ATXN2L: variants seen among roughly 807,000 people sequenced by gnomAD.
ATXN2L encodes ataxin 2 like, also known as ataxin-2-like protein.
A neutral mutation model predicts 120.7 loss-of-function variants in ATXN2L; 24 were observed. The ratio of observed to expected loss-of-function variants is 0.20; its 90% CI spans 0.14 to 0.28. ATXN2L has a LOEUF of 0.28. Ranked by LOEUF, ATXN2L falls within the 10% of genes least tolerant of loss-of-function variation. ATXN2L has a pLI of 1.00. For missense variants in ATXN2L, 1,312 were observed against 1,432.3 expected, an observed-to-expected ratio of 0.92 and a Z score of 1.36; for synonymous variants, 653 against 568.1, an observed-to-expected ratio of 1.15 and a Z score of -2.13.
chr16:28,830,881 T>A, intron 9 of ATXN2L, 81 bp from the exon 10 acceptor site: 1 of 1,502,966 alleles, frequency 6.7e-7, no homozygotes, highest in Non-Finnish European at 8.9e-7. Flanking sequence ...TGTGTTGGAA[T>A]GACGCTGCAT....
intron 17 of ATXN2L, 34 bp downstream of exon 17, chr16:28,834,449 T>C: frequency 6.2e-7 from 1 of 1,613,762 alleles, no homozygotes; most frequent in Non-Finnish European, 8.5e-7. Flanking sequence ...GCGGCGAGGC[T>C]GCCAAGGGCC....
chr16:28,828,358 G>A (rs575752532), intron 6 of ATXN2L, among the ~76,000 whole-genome samples: 4 of 152,234 alleles, frequency 2.6e-5, no homozygotes, highest in South Asian at 2.1e-4. Context: ...AGGCCAAGGC[G>A]GGCAGATCAC....
chr16:28,835,785 G>A lies in ATXN2L; in HGVS notation c.2895+27G>A, dbSNP rs200663668. ...TAAGAGCCCAGCTGTCCCACTTCTG[G>A]GTCTGTTTGCCAGGGCCCGTCTGCC... On this transcript the variant is annotated intron_variant, in intron 21 of 21. Transcript: ENST00000336783. 3.8e-3 allele frequency: 6,122 copies of A among 1,613,404 alleles called. 17 individuals carry two copies. The highest frequency in any genetic ancestry group is 4.7e-3 in the Non-Finnish European group (5,575 of 1,179,426).
At chr16:28,833,028 A>C in intron 13 of ATXN2L, 31 bp from the exon 14 acceptor site, 7 of 1,608,876 alleles carry the variant, frequency 4.4e-6, no homozygotes, top group Non-Finnish European at 6.0e-6. Context: ...GGTCTGGGTC[A>C]GACTGGACTG....
At position 28,836,727 on chromosome 16, in the gene ATXN2L, G is replaced by A; in HGVS notation, c.*462G>A. 4 of 1,613,896 alleles carry A rather than the reference G, an allele frequency of 2.5e-6. No individual in the cohort carries two copies. Among genetic ancestry groups the A allele is most frequent in the South Asian group, 1.1e-5 (1 of 91,064 alleles). ...CTCTCTTCTCTTTCCCCTCCAACCA[G>A]TTCAATCTCATCCCTCCCAGCAGCT... On this transcript the variant is annotated 3_prime_UTR_variant, in exon 22 of 22. Transcript: ENST00000336783.
chr16:28,830,208 T>C (rs951558194), intron 8 of ATXN2L, 150 bp downstream of exon 8: 5 of 751,456 alleles, frequency 6.7e-6, no homozygotes, highest in Non-Finnish European at 9.7e-6. Context: ...CGAGATTATG[T>C]AATTTGCCTA....
rs1596826836 is a variant in ATXN2L at position 28,823,173 on chromosome 16, T to C, written c.-87T>C. The C allele has an allele frequency of 5.6e-6, 4 of 711,762 alleles. No individual in the cohort carries two copies. Among genetic ancestry groups the C allele is most frequent in the South Asian group, 5.9e-5 (1 of 16,828 alleles). 44.1% of individuals were successfully genotyped at this position (711,762 alleles called of 1,614,324 possible). ...GCGGGCCCCGGCTGCCCGATCCCCC[T>C]CGCTTCCCGCGCTCTCCAGCGGGGC... On this transcript the variant is annotated 5_prime_UTR_variant, in exon 1 of 22. Coordinates refer to ENST00000336783, the MANE Select transcript of ATXN2L (RefSeq NM_007245.4).
rs748511248 is a variant in ATXN2L at position 28,832,546 on chromosome 16, C to G, written c.1567C>G (p.Leu523Val). The G allele has an allele frequency of 1.2e-6, 2 of 1,614,110 alleles. No homozygotes were observed. The highest frequency in any genetic ancestry group is 1.3e-5 in the African/African-American group (1 of 74,934). The part of the protein sequence containing the change: ...EPGRTLEPQE[L>V]ARIAGKVPGL... ...TGGGAGAACTCTGGAGCCCCAGGAG[C>G]TGGCTCGGATAGCTGGGAAAGGTGA... is the stretch of plus-strand genomic sequence containing the variant. The change falls in exon 12 of 22, where the codon CTG (leucine) becomes GTG (valine). Residue 523 changes from leucine (L) to valine (V), a missense_variant. Physicochemically the swap from Leu to Val is conservative, Grantham distance 32. Coordinates refer to ENST00000336783, the MANE Select transcript of ATXN2L (RefSeq NM_007245.4).
At position 28,833,273 on chromosome 16, in the gene ATXN2L, C is replaced by T; in HGVS notation, c.1874C>T (p.Pro625Leu). The T allele has an allele frequency of 6.2e-7, 1 of 1,614,232 alleles. No homozygotes were observed. The highest frequency in any genetic ancestry group is 8.5e-7 in the Non-Finnish European group (1 of 1,180,032). ...GGCACTGAGGGGCCAGAGCAGCCCC[C>T]ACCACCTTGTCCAAGCCAAACTGGC... ...SGGTEGPEQPPPPCPSQTGSP... is the reference protein window; with the variant it reads ...SGGTEGPEQPLPPCPSQTGSP... Residue 625 changes from proline to leucine, a missense_variant, in exon 14 of 22, where the codon CCA (proline) becomes CTA (leucine). Transcript: ENST00000336783.
At chr16:28,824,645 T>G in intron 1 of ATXN2L, 3 of 1,151,726 alleles carry the variant, frequency 2.6e-6, no homozygotes, top group Non-Finnish European at 3.4e-6. Context: ...AAAATGATTG[T>G]CTTTTCTGTT....
In ATXN2L at chr16:28,832,241, C is replaced by T. The variant is rs751330472; in HGVS notation, c.1358C>T (p.Ala453Val). The T allele has an allele frequency of 2.5e-6, 4 of 1,614,166 alleles. No homozygotes were observed. The highest frequency in any genetic ancestry group is 8.5e-7 in the Non-Finnish European group (1 of 1,180,040). The change falls in exon 11 of 22, where the codon GCT becomes GTT. Residue 453 changes from alanine (A) to valine (V), a missense_variant. By Grantham distance (64) the Ala-to-Val change is moderately conservative (BLOSUM62 0). Coordinates refer to ENST00000336783, the MANE Select transcript of ATXN2L (RefSeq NM_007245.4). The part of the protein sequence containing the change: ...RMYPPRSPKS[A>V]APAPISASCP... ...TATCCCCCGCGTTCTCCCAAGTCTG[C>T]TGCCCCTGCCCCAATCTCAGCTTCC...
intron 18 of ATXN2L, 82 bp downstream of exon 18, chr16:28,834,775 A>AG (rs1959423927): frequency 8.9e-6 from 13 of 1,463,408 alleles, no homozygotes; most frequent in Admixed American, 2.2e-5. Context: ...GGAGCTGGCT[A>AG]GGGGTGGCAG....
intron 16 of ATXN2L, 35 bp from the exon 17 acceptor site, chr16:28,834,308 G>A (rs376220738): frequency 2.0e-5 from 32 of 1,611,782 alleles, no homozygotes; most frequent in East Asian, 1.8e-4. Flanking sequence ...ATTCGTGAGC[G>A]AGTCATTCAG....
At chr16:28,833,900 T>C (rs986831465) in intron 15 of ATXN2L, 165 bp from the exon 16 acceptor site, 2 of 831,836 alleles carry the variant, frequency 2.4e-6, no homozygotes, top group African/African-American at 3.5e-5. Context: ...CCTGTAACTT[T>C]AGAATACTCA....
intron 20 of ATXN2L, 61 bp downstream of exon 20, chr16:28,835,460 A>T (rs1960136376): frequency 6.2e-7 from 1 of 1,611,580 alleles, no homozygotes; most frequent in South Asian, 1.1e-5. Flanking sequence ...AGAAGAAGGG[A>T]TAGAGCTAGG....
At position 28,836,237 on chromosome 16, in the gene ATXN2L, A is replaced by G; in HGVS notation, c.3200A>G (p.Gln1067Arg). ...AGAGCTGAGGGGCTGCAGGTGGGGC[A>G]GGATGCACGGGTTCTGGGTGGGGAG... ...HGRAEGLQVG[Q>R]DARVLGGE Residue 1067 changes from glutamine (Q) to arginine (R), a missense_variant, in exon 22 of 22, where the codon CAG becomes CGG. Gln to Arg is a conservative substitution (Grantham distance 43). Transcript: ENST00000336783. 1 of 1,613,538 alleles carries G rather than the reference A, an allele frequency of 6.2e-7. No individual in the cohort carries two copies. The highest frequency in any genetic ancestry group is 1.1e-5 in the South Asian group (1 of 91,050).
chr16:28,830,149 T>G, intron 8 of ATXN2L, 91 bp downstream of exon 8: 1 of 1,282,852 alleles, frequency 7.8e-7, no homozygotes, highest in Non-Finnish European at 1.1e-6. Flanking sequence ...GGTTTAAGCC[T>G]TGTGACCATG....
Position 28,832,848 on chromosome 16 carries a change from C to A in ATXN2L, c.1620C>A (p.Phe540Leu). ...VPGLQNEQKR[F>L]QLEELRKFGA... ...GTCTTCAGAATGAACAGAAACGATT[C>A]CAACTGGAAGAACTGAGAAAGTTTG... Residue 540 changes from phenylalanine (F) to leucine (L), a missense_variant, in exon 13 of 22, where the codon TTC (phenylalanine) becomes TTA (leucine). Phe to Leu is a conservative substitution (Grantham distance 22, BLOSUM62 0). Coordinates refer to ENST00000336783, the MANE Select transcript of ATXN2L (RefSeq NM_007245.4). 1 of 1,614,114 alleles carries A rather than the reference C, an allele frequency of 6.2e-7. No homozygotes were observed. The highest frequency in any genetic ancestry group is 8.5e-7 in the Non-Finnish European group (1 of 1,180,022).
chr16:28,830,874 G>A, intron 9 of ATXN2L, 84 bp downstream of exon 9: 1 of 1,512,280 alleles, frequency 6.6e-7, no homozygotes, highest in Non-Finnish European at 8.9e-7. Flanking sequence ...GTTTGGGTGT[G>A]TTGGAATGAC....
Sources: gnomAD v4.1 joint callset for allele counts (sites outside exome capture counted in the v4.1 genomes callset) on GRCh38, gnomAD v4.1.1 for gene constraint, MANE v1.5 for transcripts, NCBI Gene and HGNC (gene_info 2026-07-23, HGNC 2026-07-21) for gene names.